Variants in CCDC7 observed in about 807,000 individuals in gnomAD.
CCDC7 encodes coiled-coil domain-containing protein 7.
A neutral mutation model predicts 196.9 loss-of-function variants in CCDC7; 183 were observed. That is an observed-to-expected ratio of 0.93 (90% CI 0.82 to 1.05). CCDC7 has a LOEUF of 1.05. Among genes scored for constraint, CCDC7 ranks in the 50% least tolerant of loss-of-function variants. The pLI is 0.00. For missense variants in CCDC7, 1,540 were observed against 1,482.2 expected (o/e 1.04, Z -0.64); for synonymous variants, 525 against 484.6 (o/e 1.08, Z -1.10).
chr10:32,481,103 T>C (rs2039888789), intron 8 of CCDC7, among the ~76,000 whole-genome samples: 1 of 152,198 alleles, frequency 6.6e-6, no homozygotes. Context: ...TTGTCTCTTG[T>C]GACTGTTTTT....
At chr10:32,735,644 G>A (rs2084737716) in intron 28 of CCDC7, among the ~76,000 whole-genome samples, 1 of 152,054 alleles carries the variant, frequency 6.6e-6, no homozygotes, top group Non-Finnish European at 1.5e-5. Flanking sequence ...TTTCTTAACA[G>A]TGTCTTTCAC....
chr10:32,835,300 A>G (rs1390128740), intron 33 of CCDC7, among the ~76,000 whole-genome samples: 1 of 152,164 alleles, frequency 6.6e-6, no homozygotes, highest in East Asian at 1.9e-4. Flanking sequence ...GTCTCTAAGA[A>G]CTTGCTTTAT....
intron 25 of CCDC7, among the ~76,000 whole-genome samples, chr10:32,723,437 CTTG>C (rs1188052631): frequency 2.0e-5 from 3 of 152,066 alleles, no homozygotes; most frequent in Non-Finnish European, 4.4e-5. Context: ...AAAACTGAGT[CTTG>C]TTAACAGTCT....
chr10:32,530,061 G>T (rs1419507858), intron 11 of CCDC7, among the ~76,000 whole-genome samples: 1 of 152,072 alleles, frequency 6.6e-6, no homozygotes, highest in Non-Finnish European at 1.5e-5. Context: ...TCTTTGCTTT[G>T]TCAAAGATCA....
chr10:32,592,831 A>G (rs1442063124), intron 18 of CCDC7, among the ~76,000 whole-genome samples: 3 of 152,218 alleles, frequency 2.0e-5, no homozygotes, highest in Non-Finnish European at 4.4e-5. Flanking sequence ...TAGTTTGCTG[A>G]AAATGATGGT....
At chr10:32,792,627 C>T (rs2082887588) in intron 29 of CCDC7, among the ~76,000 whole-genome samples, 1 of 152,036 alleles carries the variant, frequency 6.6e-6, no homozygotes, top group African/African-American at 2.4e-5. Context: ...ATGGTGAAAC[C>T]CCATCTCTAC....
chr10:32,729,814 T>C (rs1228523325), intron 28 of CCDC7, among the ~76,000 whole-genome samples: 2 of 152,214 alleles, frequency 1.3e-5, no homozygotes, highest in Non-Finnish European at 2.9e-5. Flanking sequence ...ATCATTTTCA[T>C]AATTTTTGTT....
intron 5 of CCDC7, among the ~76,000 whole-genome samples, chr10:32,464,215 A>G (rs1377946963): frequency 1.3e-5 from 2 of 152,150 alleles, no homozygotes; most frequent in African/African-American, 4.8e-5. Context: ...TTACTTTTTA[A>G]AAATTACTAA....
intron 8 of CCDC7, among the ~76,000 whole-genome samples, chr10:32,485,970 T>C (rs1589069886): frequency 6.6e-6 from 1 of 152,198 alleles, no homozygotes. Flanking sequence ...GATTGTATAT[T>C]CGGTTGATTT....
intron 29 of CCDC7, among the ~76,000 whole-genome samples, chr10:32,784,662 C>G (rs2081553914): frequency 6.6e-6 from 1 of 151,918 alleles, no homozygotes; most frequent in African/African-American, 2.4e-5. Flanking sequence ...ACCTTCGCCT[C>G]CCGGATTCAA....
At chr10:32,679,685 A>T (rs994007318) in intron 21 of CCDC7, among the ~76,000 whole-genome samples, 11 of 152,218 alleles carry the variant, frequency 7.2e-5, no homozygotes, top group Non-Finnish European at 1.2e-4. Context: ...TTAGAGAATT[A>T]TCATCTGTGC....
chr10:32,491,938 G>T lies in CCDC7; in HGVS notation c.813G>T (p.Met271Ile). Residue 271 changes from methionine (M) to isoleucine (I), a missense_variant, in exon 9 of 42, where the codon ATG becomes ATT. Physicochemically the swap from Met to Ile is conservative, Grantham distance 10. Coordinates refer to ENST00000639629, the Ensembl canonical transcript of CCDC7. Reference sequence around the variant, plus strand: ...AAATAATAGAAACTGCTCATTCAATGACTAATCGATTTAATGCCATGTTGA... The same window carrying T: ...AAATAATAGAAACTGCTCATTCAATTACTAATCGATTTAATGCCATGTTGA... 3 of 1,574,154 alleles carry T rather than the reference G, an allele frequency of 1.9e-6. No homozygotes were observed. The South Asian group carries it at 3.7e-5, about 19-fold the overall frequency.
intron 18 of CCDC7, among the ~76,000 whole-genome samples, chr10:32,591,432 G>T (rs918091583): frequency 6.6e-6 from 1 of 151,670 alleles, no homozygotes; most frequent in Admixed American, 6.6e-5. Context: ...GGCCAAAAAG[G>T]GCAAATTTAA....
chr10:32,608,732 G>A (rs1357547999), intron 18 of CCDC7, among the ~76,000 whole-genome samples: 1 of 151,948 alleles, frequency 6.6e-6, no homozygotes. Context: ...AGAGAGACGG[G>A]GTTTTGCCAT....
intron 28 of CCDC7, among the ~76,000 whole-genome samples, chr10:32,749,686 C>A (rs950251012): frequency 6.6e-6 from 1 of 152,118 alleles, no homozygotes; most frequent in African/African-American, 2.4e-5. Flanking sequence ...ACAAAAGTAT[C>A]TCTTGTTCAG....
chr10:32,685,575 G>C (rs1289193859), intron 21 of CCDC7, among the ~76,000 whole-genome samples: 1 of 152,062 alleles, frequency 6.6e-6, no homozygotes, highest in Non-Finnish European at 1.5e-5. Context: ...ATATACATTG[G>C]CTTATTCAAC....
intron 24 of CCDC7, among the ~76,000 whole-genome samples, chr10:32,711,056 T>A (rs189585039): frequency 6.6e-6 from 1 of 152,168 alleles, no homozygotes; most frequent in Non-Finnish European, 1.5e-5. Flanking sequence ...CCATATATAT[T>A]CATCCACACA....
chr10:32,562,496 T>C (rs200337977), intron 13 of CCDC7, among the ~76,000 whole-genome samples: 13,530 of 152,226 alleles, frequency 0.089, 858 homozygotes, highest in East Asian at 0.33. Flanking sequence ...GCTGGTTCAA[T>C]ATATGCAAAT....
intron 21 of CCDC7, among the ~76,000 whole-genome samples, chr10:32,682,203 C>G (rs1165988254): frequency 6.6e-6 from 1 of 152,160 alleles, no homozygotes; most frequent in Non-Finnish European, 1.5e-5. Context: ...GCCCTGGTGT[C>G]TATTTTTCCC....
Sources: allele counts gnomAD v4.1 joint callset (sites outside exome capture counted in the v4.1 genomes callset), GRCh38; gene constraint gnomAD v4.1.1; transcripts MANE v1.5; gene names NCBI Gene and HGNC (gene_info 2026-07-23, HGNC 2026-07-21).